The following WDFY4 variants were observed in gnomAD, a reference collection of about 807,000 sequenced individuals.
The protein encoded by WDFY4 is WD repeat- and FYVE domain-containing protein 4.
A neutral mutation model predicts 351.9 loss-of-function variants in WDFY4; 169 were observed. The ratio of observed to expected loss-of-function variants is 0.48; its 90% CI spans 0.42 to 0.55. The LOEUF is 0.55. Ranked by LOEUF, WDFY4 falls within the 20% of genes least tolerant of loss-of-function variation. WDFY4 has a pLI of 0.00. For synonymous variants in WDFY4, 1,622 were observed against 1,574.6 expected, an observed-to-expected ratio of 1.03 and a Z score of -0.71; for missense variants, 3,803 against 3,935.6, an observed-to-expected ratio of 0.97 and a Z score of 0.90.
intron 3 of WDFY4, 44 bp from the exon 4 acceptor site, chr10:48,721,217 G>T (rs1359971611): frequency 6.6e-7 from 1 of 1,523,612 alleles, no homozygotes; most frequent in Non-Finnish European, 8.9e-7. Context: ...GGGAAGCTGA[G>T]TGGGCAGGTC....
intron 31 of WDFY4, among the ~76,000 whole-genome samples, chr10:48,816,448 G>A (rs574250398): frequency 6.6e-6 from 1 of 152,118 alleles, no homozygotes; most frequent in Non-Finnish European, 1.5e-5. Context: ...AAGATTTTTG[G>A]TTTTTAAACT....
At chr10:48,693,627 A>G (rs2063254561) in intron 1 of WDFY4, among the ~76,000 whole-genome samples, 1 of 152,236 alleles carries the variant, frequency 6.6e-6, no homozygotes, top group South Asian at 2.1e-4. Flanking sequence ...GCCGAACTTC[A>G]CTGGCAGACA....
Position 48,963,856 on chromosome 10 carries a change from C to A in WDFY4, c.8238C>A (p.Asp2746Glu). The change falls in exon 54 of 62, where the codon GAC (aspartate) becomes GAA (glutamate). Residue 2746 changes from aspartate (D) to glutamate (E), a missense_variant. Coordinates refer to ENST00000325239, the MANE Select transcript of WDFY4 (RefSeq NM_001394531.1). ...ISLHRKALES[D>E]FVSANLHHWI... ...TTTTGTTCCAGGCCCTGGAAAGTGA[C>A]TTTGTCAGTGCCAACCTCCACCATT... The A allele has an allele frequency of 1.9e-6, 3 of 1,551,566 alleles. No homozygotes were observed. The highest frequency in any genetic ancestry group is 2.6e-6 in the Non-Finnish European group (3 of 1,146,998).
chr10:48,941,169 G>T (rs903814552), intron 47 of WDFY4, among the ~76,000 whole-genome samples: 4 of 152,180 alleles, frequency 2.6e-5, no homozygotes, highest in East Asian at 1.9e-4. Flanking sequence ...TTGCAGAGAT[G>T]AATGCGAAAG....
chr10:48,701,561 G>A (rs7909344), intron 1 of WDFY4, among the ~76,000 whole-genome samples: 10 of 152,076 alleles, frequency 6.6e-5, no homozygotes, highest in African/African-American at 1.2e-4. Flanking sequence ...CTTGACCAAC[G>A]TGGAGGCTGA....
intron 53 of WDFY4, 122 bp from the exon 54 acceptor site, chr10:48,963,720 C>T (rs1841960612): frequency 3.6e-6 from 4 of 1,107,980 alleles, no homozygotes; most frequent in Non-Finnish European, 5.1e-6. Context: ...CCCAGGGGCT[C>T]ATCAATTATC....
intron 51 of WDFY4, among the ~76,000 whole-genome samples, chr10:48,952,981 C>A (rs1841402084): frequency 6.6e-6 from 1 of 152,104 alleles, no homozygotes; most frequent in Non-Finnish European, 1.5e-5. Flanking sequence ...CTGTTGCTAC[C>A]AAAAGCTGCC....
intron 11 of WDFY4, among the ~76,000 whole-genome samples, chr10:48,741,879 G>GACT (rs761094864): frequency 5.3e-5 from 8 of 152,110 alleles, no homozygotes; most frequent in Non-Finnish European, 1.2e-4. Flanking sequence ...CACTCTCTAG[G>GACT]AAACACACAT....
chr10:48,952,435 A>G (rs2671720), intron 51 of WDFY4, among the ~76,000 whole-genome samples: 145,027 of 152,258 alleles, frequency 0.95, 69,506 homozygotes, highest in East Asian at 1. Flanking sequence ...GATCTCCAAC[A>G]CCGTCTGGTT....
chr10:48,764,363 A>T (rs2065603895), intron 13 of WDFY4, among the ~76,000 whole-genome samples: 1 of 152,234 alleles, frequency 6.6e-6, no homozygotes, highest in African/African-American at 2.4e-5. Context: ...CATCAATATT[A>T]GAAATTGGGT....
At chr10:48,857,146 T>G (rs995448468) in intron 39 of WDFY4, among the ~76,000 whole-genome samples, 6 of 152,314 alleles carry the variant, frequency 3.9e-5, no homozygotes, top group African/African-American at 1.4e-4. Flanking sequence ...CTAGTTTGGC[T>G]CACAGAACTA....
In WDFY4 at chr10:48,834,578, A is replaced by T. The variant is rs548781209; in HGVS notation, c.6663+1869A>T. Among the ~76,000 whole-genome samples the T allele has an allele frequency of 6.4e-4, 97 of 152,362 alleles. 1 individual carries two copies. The highest frequency in any genetic ancestry group is 5.4e-3 in the South Asian group (26 of 4,832). On this transcript the variant is annotated intron_variant, in intron 39 of 61. Coordinates refer to ENST00000325239, the MANE Select transcript of WDFY4 (RefSeq NM_001394531.1). ...AAGTCCTAAAACTTGGAGCATTCCC[A>T]CTTGTGCCCATATACCTGCTCCTGA...
intron 20 of WDFY4, among the ~76,000 whole-genome samples, chr10:48,787,889 TTC>T (rs2066491881): frequency 1.4e-4 from 11 of 79,044 alleles, no homozygotes; most frequent in African/African-American, 8.0e-4. Flanking sequence ...TTTCTTCTTC[TTC>T]TCCTTCTTCT....
intron 5 of WDFY4, among the ~76,000 whole-genome samples, chr10:48,724,882 T>C (rs940580956): frequency 6.6e-6 from 1 of 152,324 alleles, no homozygotes; most frequent in Non-Finnish European, 1.5e-5. Context: ...TAGTTAGCAA[T>C]TTTTTAAGTG....
chr10:48,931,502 C>T (rs189808797), intron 47 of WDFY4, among the ~76,000 whole-genome samples: 1 of 152,284 alleles, frequency 6.6e-6, no homozygotes, highest in African/African-American at 2.4e-5. Context: ...GAGAGGGTGG[C>T]CCGTATTATG....
At position 48,964,045 on chromosome 10, in the gene WDFY4, G is replaced by T. The variant is rs778502099; in HGVS notation, c.8427G>T (p.Val2809=). The T allele has an allele frequency of 9.0e-6, 14 of 1,549,646 alleles. 1 individual carries two copies. In the South Asian group the frequency reaches 1.1e-4, roughly 12 times the overall value. Residue 2809 remains valine, a synonymous_variant, in exon 54 of 62, where the codon GTG becomes GTT. Transcript: ENST00000325239. ...GGTTTGTCAGCAACTTTGGACAGGT[G>T]CCCAAACAGGTACAGCATGCCTTGT... ...ILGFVSNFGQ[V]PKQLFTKPHP...
chr10:48,742,836 ATCCT>A (rs1365720800), intron 11 of WDFY4, 128 bp from the exon 12 acceptor site: 1 of 810,504 alleles, frequency 1.2e-6, no homozygotes, highest in Non-Finnish European at 1.9e-6. Flanking sequence ...TTTCAGAGTG[ATCCT>A]TCCTGTAACT....
intron 47 of WDFY4, among the ~76,000 whole-genome samples, chr10:48,921,791 T>C (rs1244295471): frequency 3.3e-5 from 5 of 152,146 alleles, no homozygotes; most frequent in African/African-American, 1.2e-4. Context: ...AAGATAGAAA[T>C]GTACAGACAC....
chr10:48,942,324 T>G lies in WDFY4; in HGVS notation c.7629+476T>G, dbSNP rs562481842. On this transcript the variant is annotated intron_variant, in intron 48 of 61. Coordinates refer to ENST00000325239, the MANE Select transcript of WDFY4 (RefSeq NM_001394531.1). ...AGACATTTCCCTGACCAGATGTCGGTGATGGAGTACAAATCTTGCACATTG... is the reference window on the plus strand; with the variant it reads ...AGACATTTCCCTGACCAGATGTCGGGGATGGAGTACAAATCTTGCACATTG... 5.3e-4 allele frequency among the ~76,000 whole-genome samples: 81 copies of G among 152,174 alleles called. 1 individual carries two copies. Among genetic ancestry groups the G allele is most frequent in the Non-Finnish European group, 4.3e-4 (29 of 68,046 alleles).
Sources: allele counts gnomAD v4.1 joint callset (sites outside exome capture counted in the v4.1 genomes callset), GRCh38; gene constraint gnomAD v4.1.1; transcripts MANE v1.5; gene names NCBI Gene and HGNC (gene_info 2026-07-23, HGNC 2026-07-21).